The following ARHGAP8 variants were observed in gnomAD, a reference collection of about 807,000 sequenced individuals.
ARHGAP8 encodes the protein rho GTPase-activating protein 8.
In ARHGAP8, 62 loss-of-function variants were observed where a neutral mutation model predicts 46.1. The observed-to-expected ratio is 1.34, with a 90% CI of 1.10 to 1.66. ARHGAP8 has a LOEUF of 1.66. Ranked by LOEUF, ARHGAP8 falls within the 40% of genes most tolerant of loss-of-function variation. The pLI, the probability that ARHGAP8 is intolerant of heterozygous loss-of-function variation, is 0.00. For missense variants in ARHGAP8, 923 were observed against 568.4 expected, an observed-to-expected ratio of 1.62 and a Z score of -6.34; for synonymous variants, 375 against 243.1, an observed-to-expected ratio of 1.54 and a Z score of -5.05.
At chr22:44,781,905 G>C (rs1374250298) in intron 1 of ARHGAP8, among the ~76,000 whole-genome samples, 1 of 152,142 alleles carries the variant, frequency 6.6e-6, no homozygotes, top group Non-Finnish European at 1.5e-5. Context: ...TGTGAAATTG[G>C]CTCACTGCAG....
intron 1 of ARHGAP8, among the ~76,000 whole-genome samples, chr22:44,765,565 G>A (rs930673916): frequency 6.6e-6 from 1 of 152,106 alleles, no homozygotes; most frequent in Non-Finnish European, 1.5e-5. Context: ...AGGACAGGTC[G>A]GGTCTGTCCC....
chr22:44,808,433 T>G lies in ARHGAP8; in HGVS notation c.294T>G (p.Asp98Glu). Residue 98 changes from aspartate to glutamate, a missense_variant, in exon 4 of 12, where the codon GAT (aspartate) becomes GAG (glutamate). Physicochemically the swap from Asp to Glu is conservative, Grantham distance 45. Coordinates refer to ENST00000356099, the MANE Select transcript of ARHGAP8 (RefSeq NM_181335.3). ...TCCAGAGCGCATACAAGGAGTTCGATAGGAAGTACGTGCCCGCAAGCCTTC... is the reference window on the plus strand; with the variant it reads ...TCCAGAGCGCATACAAGGAGTTCGAGAGGAAGTACGTGCCCGCAAGCCTTC... ...GWLQSAYKEF[D>E]RKYKKNLKAL... The G allele has an allele frequency of 6.2e-7, 1 of 1,613,880 alleles. No homozygotes were observed.
intron 1 of ARHGAP8, among the ~76,000 whole-genome samples, chr22:44,774,039 C>T (rs999523078): frequency 6.6e-6 from 1 of 152,162 alleles, no homozygotes; most frequent in African/African-American, 2.4e-5. Flanking sequence ...CTGTTGTTGT[C>T]TATATTTTAT....
At chr22:44,769,131 G>A (rs554788419) in intron 1 of ARHGAP8, among the ~76,000 whole-genome samples, 71 of 152,278 alleles carry the variant, frequency 4.7e-4, no homozygotes, top group African/African-American at 1.6e-3. Context: ...CACCGTGCCC[G>A]GCCTAAGCCA....
intron 10 of ARHGAP8, among the ~76,000 whole-genome samples, chr22:44,859,409 G>C (rs1202996246): frequency 6.6e-6 from 1 of 152,060 alleles, no homozygotes; most frequent in East Asian, 1.9e-4. Context: ...CTTCCTTTTT[G>C]CCTTCTGCCA....
chr22:44,830,668 G>A (rs578091702), intron 7 of ARHGAP8, among the ~76,000 whole-genome samples: 1 of 152,040 alleles, frequency 6.6e-6, no homozygotes, highest in African/African-American at 2.4e-5. Context: ...TCCCGAGTAT[G>A]TGTGACTACA....
rs1167255172 is a variant in ARHGAP8, at chr22:44,767,984, CTTTTTT to C, written c.-72+15383_-72+15388del. On this transcript the variant is annotated intron_variant, in intron 1 of 11. Transcript: ENST00000356099. ...GTCAGATTTCCTCCCCGCATGATGT[CTTTTTT>C]TTTTTTTTTTTTTTTTTTTTTTTTT... Among the ~76,000 whole-genome samples, 56 of 47,218 alleles carry C rather than the reference CTTTTTT, an allele frequency of 1.2e-3. No individual in the cohort carries two copies. The East Asian group carries it at 0.012, about 10-fold the overall frequency. 31.0% of individuals were successfully genotyped at this position (47,218 alleles called of 152,430 possible).
intron 5 of ARHGAP8, among the ~76,000 whole-genome samples, chr22:44,818,109 G>A (rs1447681051): frequency 6.7e-6 from 1 of 149,962 alleles, no homozygotes; most frequent in African/African-American, 2.5e-5. Flanking sequence ...GTCAGACTTT[G>A]TTGTACTTAA....
intron 10 of ARHGAP8, among the ~76,000 whole-genome samples, chr22:44,858,089 G>A (rs1442873370): frequency 2.0e-5 from 3 of 152,210 alleles, no homozygotes; most frequent in African/African-American, 7.2e-5. Context: ...CCATTCAAAT[G>A]ACTGAACAAC....
At position 44,852,934 on chromosome 22, in the gene ARHGAP8, C is replaced by G. The variant is rs1035950323; in HGVS notation, c.877+3874C>G. On this transcript the variant is annotated intron_variant, in intron 10 of 11. Transcript: ENST00000356099. ...TCTCCTGCCCCAGCCTGCCGAGTAG[C>G]TGGGACGACAGGCCCGTGTCACCAC... Among the ~76,000 whole-genome samples, 7 of 152,254 alleles carry G rather than the reference C, an allele frequency of 4.6e-5. No individual in the cohort carries two copies. The East Asian group carries it at 1.4e-3, about 29-fold the overall frequency.
intron 4 of ARHGAP8, among the ~76,000 whole-genome samples, chr22:44,812,157 G>T (rs558050085): frequency 6.6e-6 from 1 of 151,850 alleles, no homozygotes; most frequent in Non-Finnish European, 1.5e-5. Context: ...AAATTCGCAC[G>T]CAAGTGTTCA....
intron 10 of ARHGAP8, among the ~76,000 whole-genome samples, chr22:44,854,531 C>T (rs2070175303): frequency 6.6e-6 from 1 of 152,082 alleles, no homozygotes; most frequent in Non-Finnish European, 1.5e-5. Context: ...CCATGCCAGG[C>T]CCTTGTTATG....
intron 7 of ARHGAP8, among the ~76,000 whole-genome samples, chr22:44,826,047 G>A (rs1023341997): frequency 6.6e-6 from 1 of 152,082 alleles, no homozygotes; most frequent in African/African-American, 2.4e-5. Context: ...CTGCCCTCCG[G>A]GTACACAGAC....
rs761488993 is a variant in ARHGAP8 at position 44,786,574 on chromosome 22, A to C, written c.47A>C (p.Asp16Ala). ...PALSTSHPFY[D>A]VARHGILQVA... The stretch of plus-strand genomic sequence containing the variant: ...CTGAGCACGAGTCACCCGTTCTACG[A>C]CGTGGCCAGACATGGCATTCTGCAG... The change falls in exon 2 of 12, where the codon GAC (aspartate) becomes GCC (alanine). Residue 16 changes from aspartate (D) to alanine (A), a missense_variant. Coordinates refer to ENST00000356099, the MANE Select transcript of ARHGAP8 (RefSeq NM_181335.3). 3 of 1,613,472 alleles carry C rather than the reference A, an allele frequency of 1.9e-6. No homozygotes were observed. The highest frequency in any genetic ancestry group is 2.2e-5 in the South Asian group (2 of 90,972).
intron 1 of ARHGAP8, among the ~76,000 whole-genome samples, chr22:44,766,573 T>G (rs1353567039): frequency 6.6e-6 from 1 of 152,106 alleles, no homozygotes; most frequent in Non-Finnish European, 1.5e-5. Flanking sequence ...TCTGGGTGCA[T>G]GTATGTGCAT....
intron 2 of ARHGAP8, among the ~76,000 whole-genome samples, chr22:44,796,887 G>T (rs964597350): frequency 1.3e-5 from 2 of 152,338 alleles, no homozygotes; most frequent in Non-Finnish European, 2.9e-5. Flanking sequence ...TGTCAGATGC[G>T]TGGGTGGCCT....
intron 1 of ARHGAP8, among the ~76,000 whole-genome samples, chr22:44,772,499 T>C (rs544233557): frequency 6.6e-6 from 1 of 151,934 alleles, no homozygotes; most frequent in South Asian, 2.1e-4. Context: ...GATTTTTGAA[T>C]ATTAAAACAA....
At chr22:44,765,621 T>A (rs994051066) in intron 1 of ARHGAP8, among the ~76,000 whole-genome samples, 1 of 152,122 alleles carries the variant, frequency 6.6e-6, no homozygotes, top group Admixed American at 6.5e-5. Context: ...CGGGACCCCC[T>A]CCTGCCTGTC....
intron 10 of ARHGAP8, among the ~76,000 whole-genome samples, chr22:44,854,423 G>A (rs1029982757): frequency 4.0e-5 from 6 of 151,488 alleles, no homozygotes; most frequent in African/African-American, 1.5e-4. Flanking sequence ...TAGTAGAGAC[G>A]GGCTTCACCA....
Sources: gnomAD v4.1 joint callset for allele counts (sites outside exome capture counted in the v4.1 genomes callset) on GRCh38, gnomAD v4.1.1 for gene constraint, MANE v1.5 for transcripts, NCBI Gene and HGNC (gene_info 2026-07-23, HGNC 2026-07-21) for gene names.